ANAPC13: variants seen among roughly 807,000 people sequenced by gnomAD.
ANAPC13 encodes anaphase-promoting complex subunit 13.
ANAPC13 carries 9 observed loss-of-function variants against 9.6 expected under a neutral mutation model. The observed-to-expected ratio is 0.94, with a 90% confidence interval of 0.57 to 1.64. ANAPC13 has a LOEUF of 1.64. ANAPC13 is among the 40% of genes most tolerant of loss of function. ANAPC13 has a pLI of 0.00. For missense variants in ANAPC13, 75 were observed against 85.3 expected (o/e 0.88, Z 0.48); for synonymous variants, 30 against 29.7 (o/e 1.01, Z -0.03).
intron 2 of ANAPC13, among the ~76,000 whole-genome samples, chr3:134,480,175 C>T (rs1934705602): frequency 6.6e-6 from 1 of 152,124 alleles, no homozygotes; most frequent in Admixed American, 6.5e-5. Flanking sequence ...TTATCTTAAA[C>T]TTAAAAAGAA....
At chr3:134,480,062 A>G (rs868119949) in intron 2 of ANAPC13, among the ~76,000 whole-genome samples, 15 of 152,228 alleles carry the variant, frequency 9.9e-5, no homozygotes, top group Admixed American at 6.5e-5. Flanking sequence ...AATGATATTT[A>G]CTTATCTATA....
intron 2 of ANAPC13, among the ~76,000 whole-genome samples, chr3:134,479,047 G>A (rs1341051046): frequency 3.9e-5 from 6 of 152,174 alleles, no homozygotes. Context: ...CTTGGGCAAG[G>A]TATGCAAACC....
At chr3:134,484,919 GCTC>G (rs1405924646) in intron 1 of ANAPC13, among the ~76,000 whole-genome samples, 2 of 152,154 alleles carry the variant, frequency 1.3e-5, no homozygotes, top group East Asian at 3.9e-4. Flanking sequence ...GTGGTCAATT[GCTC>G]AGGTATTATT....
In ANAPC13 at chr3:134,478,029, G is replaced by C. The variant is rs1407438299; in HGVS notation, c.*561C>G. ...ACAAAAGGAATTTGTAAGGAGAACA[G>C]AGATTAACTGTCAGATATCTTTCTA... On this transcript the variant is annotated 3_prime_UTR_variant, in exon 3 of 3. Transcript: ENST00000354910. The C allele has an allele frequency of 6.6e-6, 1 of 152,308 alleles. No homozygotes were observed. The highest frequency in any genetic ancestry group is 1.5e-5 in the Non-Finnish European group (1 of 68,096). The allele number at this position is 152,308 out of a possible 1,614,324, so 9.4% of individuals were successfully genotyped here.
intron 1 of ANAPC13, among the ~76,000 whole-genome samples, chr3:134,485,116 G>A (rs1329427359): frequency 6.6e-6 from 1 of 152,042 alleles, no homozygotes; most frequent in African/African-American, 2.4e-5. Context: ...CAAGATAAAC[G>A]CAGGCGTCAG....
At chr3:134,481,351 C>A (rs1934730060) in intron 2 of ANAPC13, among the ~76,000 whole-genome samples, 1 of 152,212 alleles carries the variant, frequency 6.6e-6, no homozygotes, top group Non-Finnish European at 1.5e-5. Context: ...TCTTCATCCA[C>A]AGTGAATGAC....
Position 134,478,575 on chromosome 3 carries a change from G to C in ANAPC13, c.*15C>G, listed in dbSNP as rs752708020. ...GTACTTTGAGAAAATCCATCCACAA[G>C]AAAGGAGCCAAGCGTCAGTTTCCAA... On this transcript the variant is annotated 3_prime_UTR_variant, in exon 3 of 3. Coordinates refer to ENST00000354910, the MANE Select transcript of ANAPC13 (RefSeq NM_015391.4). The C allele has an allele frequency of 6.2e-7, 1 of 1,609,998 alleles. No individual in the cohort carries two copies. Among genetic ancestry groups the C allele is most frequent in the South Asian group, 1.1e-5 (1 of 90,356 alleles).
chr3:134,478,397 C>T lies in ANAPC13; in HGVS notation c.*193G>A, dbSNP rs1033156824. On this transcript the variant is annotated 3_prime_UTR_variant, in exon 3 of 3. Coordinates refer to ENST00000354910, the MANE Select transcript of ANAPC13 (RefSeq NM_015391.4). ...AATGAAGAGTTTTAGGTTTAAAGAG[C>T]GAAATATTCACCATTACTGAGAAAT... is the stretch of plus-strand genomic sequence containing the variant. 9.9e-6 allele frequency: 7 copies of T among 704,608 alleles called. No individual in the cohort carries two copies. Among genetic ancestry groups the T allele is most frequent in the East Asian group, 8.2e-5 (3 of 36,388 alleles). The allele number at this position is 704,608 out of a possible 1,614,324, so 43.6% of individuals were successfully genotyped here.
At chr3:134,479,725 T>C (rs957799296) in intron 2 of ANAPC13, among the ~76,000 whole-genome samples, 4 of 152,116 alleles carry the variant, frequency 2.6e-5, no homozygotes, top group African/African-American at 9.7e-5. Flanking sequence ...AAGACCTCCC[T>C]CTAGTGGTGG....
intron 2 of ANAPC13, among the ~76,000 whole-genome samples, chr3:134,479,261 G>A (rs759988019): frequency 1.1e-4 from 16 of 152,136 alleles, no homozygotes; most frequent in African/African-American, 3.6e-4. Context: ...TAGCGGGAGC[G>A]TGCTTTAAAA....
intron 1 of ANAPC13, chr3:134,485,513 T>G (rs951993937): frequency 6.6e-5 from 10 of 152,178 alleles, no homozygotes; most frequent in Non-Finnish European, 1.2e-4. Flanking sequence ...TGGCACCAAC[T>G]GGGGAGTCTG....
intron 1 of ANAPC13, among the ~76,000 whole-genome samples, chr3:134,485,088 T>G (rs1934982725): frequency 6.6e-6 from 1 of 152,168 alleles, no homozygotes; most frequent in Non-Finnish European, 1.5e-5. Context: ...TCCACATCAC[T>G]AATGCCACTC....
At chr3:134,484,406 A>G (rs1934892803) in intron 1 of ANAPC13, among the ~76,000 whole-genome samples, 6 of 152,098 alleles carry the variant, frequency 3.9e-5, no homozygotes, top group Admixed American at 3.9e-4. Flanking sequence ...AAAACAAAAA[A>G]AACCAAAAAG....
At chr3:134,479,441 G>A (rs1448762178) in intron 2 of ANAPC13, among the ~76,000 whole-genome samples, 2 of 151,948 alleles carry the variant, frequency 1.3e-5, no homozygotes, top group African/African-American at 2.4e-5. Context: ...GGGTTCAAGC[G>A]ATTCTCCCGC....
chr3:134,483,591 C>T (rs1230804783), intron 1 of ANAPC13, among the ~76,000 whole-genome samples: 1 of 152,224 alleles, frequency 6.6e-6, no homozygotes, highest in Non-Finnish European at 1.5e-5. Flanking sequence ...GCTTATTTAG[C>T]TCCTTGACCA....
intron 2 of ANAPC13, among the ~76,000 whole-genome samples, chr3:134,480,186 A>C (rs1321935538): frequency 1.3e-5 from 2 of 152,234 alleles, no homozygotes; most frequent in East Asian, 3.8e-4. Flanking sequence ...TTAAAAAGAA[A>C]GTTCAGTCCT....
chr3:134,484,716 G>T (rs953171043), intron 1 of ANAPC13, among the ~76,000 whole-genome samples: 8 of 152,160 alleles, frequency 5.3e-5, no homozygotes, highest in African/African-American at 1.9e-4. Context: ...CTACTCCTTT[G>T]TCCTTGCTGC....
chr3:134,483,778 G>C (rs1202180811), intron 1 of ANAPC13, among the ~76,000 whole-genome samples: 1 of 152,166 alleles, frequency 6.6e-6, no homozygotes, highest in African/African-American at 2.4e-5. Context: ...GAAGCCACTG[G>C]CATCAAAGGT....
At chr3:134,485,997 C>A (rs1935140269), upstream of ANAPC13, 3 of 980,736 alleles carry the variant, frequency 3.1e-6, no homozygotes, top group Admixed American at 6.2e-5. Context: ...CCACGCCCCC[C>A]CCCCCTCCCC....
Sources: gnomAD v4.1 joint callset for allele counts (sites outside exome capture counted in the v4.1 genomes callset) on GRCh38, gnomAD v4.1.1 for gene constraint, MANE v1.5 for transcripts, NCBI Gene and HGNC (gene_info 2026-07-23, HGNC 2026-07-21) for gene names.